Variants in BST1 observed in about 807,000 individuals in gnomAD.
BST1 encodes the protein ADP-ribosyl cyclase/cyclic ADP-ribose hydrolase 2.
In BST1, 49 loss-of-function variants were observed where a neutral mutation model predicts 40.6. The ratio of observed to expected loss-of-function variants is 1.21; its 90% confidence interval spans 0.96 to 1.53. BST1 has a LOEUF of 1.53. Ranked by LOEUF, BST1 falls within the 40% of genes most tolerant of loss-of-function variation. The probability of loss-of-function intolerance (pLI) is 0.00; values close to 1 mark genes in which losing one functional copy is unlikely to be tolerated. For synonymous variants in BST1, 157 were observed against 159.3 expected (o/e 0.99, Z 0.11); for missense variants, 423 against 395.9 (o/e 1.07, Z -0.58).
At chr4:15,723,869 A>G (rs939964700) in intron 8 of BST1, among the ~76,000 whole-genome samples, 1 of 152,170 alleles carries the variant, frequency 6.6e-6, no homozygotes, top group Non-Finnish European at 1.5e-5. Flanking sequence ...TTCTATATCC[A>G]TATCTGTATC....
chr4:15,756,084 A>G, the BST1 span, among the ~76,000 whole-genome samples: 2,097 of 152,306 alleles, frequency 0.014, 58 homozygotes, highest in African/African-American at 0.048. Flanking sequence ...GAAAATAACC[A>G]TGGAATTTGA....
intron 1 of BST1, among the ~76,000 whole-genome samples, chr4:15,703,633 GGT>G (rs1553862806): frequency 7.1e-5 from 9 of 127,584 alleles, no homozygotes; most frequent in African/African-American, 1.5e-4. Flanking sequence ...AGGTGAGGGG[GGT>G]GTGTGTGTGC....
At chr4:15,734,275 G>A (rs1721485182), downstream of BST1, among the ~76,000 whole-genome samples, 1 of 152,132 alleles carries the variant, frequency 6.6e-6, no homozygotes, top group Non-Finnish European at 1.5e-5. Flanking sequence ...GATTGTGGTG[G>A]TGATTGCATG....
At chr4:15,756,368 C>T in the BST1 span, among the ~76,000 whole-genome samples, 1 of 152,176 alleles carries the variant, frequency 6.6e-6, no homozygotes, top group East Asian at 1.9e-4. Flanking sequence ...AGTTTTCTTT[C>T]TCATTTTCAA....
chr4:15,744,266 A>G, the BST1 span, among the ~76,000 whole-genome samples: 1 of 152,170 alleles, frequency 6.6e-6, no homozygotes, highest in Admixed American at 6.5e-5. Flanking sequence ...GAGACTGGGT[A>G]ATTTTTAAAG....
At chr4:15,758,107 G>C in the BST1 span, among the ~76,000 whole-genome samples, 26,675 of 151,924 alleles carry the variant, frequency 0.18, 2,501 homozygotes, top group African/African-American at 0.24. Context: ...AATTAAGCTA[G>C]TTAACATATC....
chr4:15,731,304 A>C lies in BST1; in HGVS notation c.852-436A>C, dbSNP rs1054386959. ...TCAGAGACTCTGAGGCCAAAAATGC[A>C]TCATACTCTTGGCCAGTTTCTTGAC... On this transcript the variant is annotated intron_variant, in intron 8 of 8. Coordinates refer to ENST00000265016, the MANE Select transcript of BST1 (RefSeq NM_004334.3). The C allele has an allele frequency of 1.6e-5, 8 of 514,296 alleles. No individual in the cohort carries two copies. In the African/African-American group the frequency reaches 1.6e-4, roughly 10 times the overall value. 31.9% of individuals were successfully genotyped at this position (514,296 alleles called of 1,614,324 possible).
chr4:15,740,527 G>T (rs1216257244), downstream of BST1, among the ~76,000 whole-genome samples: 1 of 152,128 alleles, frequency 6.6e-6, no homozygotes, highest in Non-Finnish European at 1.5e-5. Flanking sequence ...AGCCAGATGA[G>T]AGGTGAAGGT....
At chr4:15,706,561 A>G (rs1560276681) in intron 2 of BST1, among the ~76,000 whole-genome samples, 1 of 152,242 alleles carries the variant, frequency 6.6e-6, no homozygotes, top group Non-Finnish European at 1.5e-5. Flanking sequence ...GCTTAAAACA[A>G]TACCTCAAGT....
Position 15,711,818 on chromosome 4 carries a change from C to A in BST1, c.463C>A (p.Gln155Lys). The change falls in exon 4 of 9, where the codon CAA becomes AAA. Residue 155 changes from glutamine to lysine, a missense_variant. Physicochemically the swap from Gln to Lys is moderately conservative, Grantham distance 53 (BLOSUM62 1). Coordinates refer to ENST00000265016, the MANE Select transcript of BST1 (RefSeq NM_004334.3). ...RQKNDSGLDYQSCPTSEDCEN... is the reference protein window; with the variant it reads ...RQKNDSGLDYKSCPTSEDCEN... Reference sequence around the variant, plus strand: ...TACTTACCCCTTAGGACTCGATTACCAATCCTGCCCTACATCAGAAGACTG... The same window carrying A: ...TACTTACCCCTTAGGACTCGATTACAAATCCTGCCCTACATCAGAAGACTG... 1.2e-6 allele frequency: 2 copies of A among 1,613,666 alleles called. No homozygotes were observed. The highest frequency in any genetic ancestry group is 8.5e-7 in the Non-Finnish European group (1 of 1,179,582).
Position 15,731,422 on chromosome 4 carries a change from C to A in BST1, c.852-318C>A. ...GCCTTGTCACGGTGCTGCTGGTTAC[C>A]CAGGACACACATGGAGAACTTGGGG... On this transcript the variant is annotated intron_variant, in intron 8 of 8. Transcript: ENST00000265016. The A allele has an allele frequency of 6.2e-6, 4 of 650,288 alleles. No homozygotes were observed. In the South Asian group the frequency reaches 6.3e-5, roughly 10 times the overall value. 40.3% of individuals were successfully genotyped at this position (650,288 alleles called of 1,614,324 possible).
At chr4:15,745,395 A>C in the BST1 span, among the ~76,000 whole-genome samples, 1 of 152,208 alleles carries the variant, frequency 6.6e-6, no homozygotes, top group Non-Finnish European at 1.5e-5. Flanking sequence ...GTATTGTTTC[A>C]GTATATTTAA....
chr4:15,750,523 A>G, the BST1 span, among the ~76,000 whole-genome samples: 2 of 152,208 alleles, frequency 1.3e-5, no homozygotes, highest in Admixed American at 6.5e-5. Context: ...CGGGTGAATA[A>G]GACAGATGTT....
chr4:15,765,525 G>A, the BST1 span, among the ~76,000 whole-genome samples: 12 of 151,972 alleles, frequency 7.9e-5, no homozygotes, highest in African/African-American at 1.7e-4. Context: ...GTGCACCAGC[G>A]CCTGCCTATC....
intron 7 of BST1, 85 bp downstream of exon 7, chr4:15,719,078 T>C (rs1720665896): frequency 8.5e-7 from 1 of 1,175,362 alleles, no homozygotes; most frequent in East Asian, 2.6e-5. Flanking sequence ...TATTGATGGC[T>C]CTCAGCTCTG....
chr4:15,741,768 T>C (rs4698415), downstream of BST1, among the ~76,000 whole-genome samples: 117,927 of 152,178 alleles, frequency 0.77, 45,927 homozygotes, highest in East Asian at 0.93. Context: ...ATTCCGCTTC[T>C]GAGCTATTGC....
chr4:15,739,514 A>C (rs1721685149), downstream of BST1, among the ~76,000 whole-genome samples: 2 of 151,220 alleles, frequency 1.3e-5, no homozygotes, highest in Non-Finnish European at 2.9e-5. Flanking sequence ...CACTGAAATG[A>C]CTTACTTATT....
chr4:15,748,966 C>G, the BST1 span, among the ~76,000 whole-genome samples: 1 of 152,068 alleles, frequency 6.6e-6, no homozygotes, highest in Non-Finnish European at 1.5e-5. Context: ...GAGGATGAGA[C>G]GAGGGAGGGA....
chr4:15,770,981 G>T, the BST1 span, among the ~76,000 whole-genome samples: 3 of 152,174 alleles, frequency 2.0e-5, no homozygotes, highest in Admixed American at 2.0e-4. Context: ...TGACCACCAA[G>T]TGCTCTTAAG....
Sources: gnomAD v4.1 joint callset for allele counts (sites outside exome capture counted in the v4.1 genomes callset) on GRCh38, gnomAD v4.1.1 for gene constraint, MANE v1.5 for transcripts, NCBI Gene and HGNC (gene_info 2026-07-23, HGNC 2026-07-21) for gene names.